The following IGSF21 variants were observed in gnomAD, a reference collection of about 807,000 sequenced individuals.
IGSF21 encodes immunoglobulin superfamily member 21.
Under a neutral mutation model 46.8 loss-of-function variants are expected in IGSF21, and 28 were observed. The ratio of observed to expected loss-of-function variants is 0.60; its 90% CI spans 0.44 to 0.82. IGSF21 has a LOEUF of 0.82. Ranked by LOEUF, IGSF21 falls within the 40% of genes least tolerant of loss-of-function variation. The pLI, the probability that IGSF21 is intolerant of heterozygous loss-of-function variation, is 0.00. For synonymous variants in IGSF21, 284 were observed against 273.6 expected, an observed-to-expected ratio of 1.04 and a Z score of -0.38; for missense variants, 624 against 665.5, an observed-to-expected ratio of 0.94 and a Z score of 0.69.
At chr1:18,168,376 T>A (rs2086700129) in intron 1 of IGSF21, among the ~76,000 whole-genome samples, 1 of 152,150 alleles carries the variant, frequency 6.6e-6, no homozygotes, top group Admixed American at 6.5e-5. Flanking sequence ...ACACACACAT[T>A]GTTGCATAAA....
At chr1:18,321,380 C>T (rs527624140) in intron 3 of IGSF21, among the ~76,000 whole-genome samples, 10 of 152,302 alleles carry the variant, frequency 6.6e-5, no homozygotes, top group African/African-American at 2.4e-4. Context: ...ATTGTGTGAC[C>T]TTGCAGAAGC....
At chr1:18,209,439 G>A (rs959563441) in intron 1 of IGSF21, among the ~76,000 whole-genome samples, 1 of 151,638 alleles carries the variant, frequency 6.6e-6, no homozygotes, top group African/African-American at 2.4e-5. Flanking sequence ...CAGAGGGCCC[G>A]CCTTCTTTTC....
At chr1:18,324,243 A>G (rs1026386372) in intron 3 of IGSF21, among the ~76,000 whole-genome samples, 6 of 152,104 alleles carry the variant, frequency 3.9e-5, no homozygotes, top group Non-Finnish European at 5.9e-5. Context: ...GCTGGGGGAG[A>G]AGTTGGACCC....
At chr1:18,267,511 A>G (rs1367095506) in intron 2 of IGSF21, among the ~76,000 whole-genome samples, 1 of 152,190 alleles carries the variant, frequency 6.6e-6, no homozygotes, top group Non-Finnish European at 1.5e-5. Flanking sequence ...CACAGCAGCC[A>G]CTATGGAAAA....
intron 1 of IGSF21, among the ~76,000 whole-genome samples, chr1:18,210,946 C>T (rs914512325): frequency 6.6e-6 from 1 of 152,136 alleles, no homozygotes; most frequent in African/African-American, 2.4e-5. Flanking sequence ...AGGCTCACTG[C>T]AGCCTCCACC....
intron 1 of IGSF21, among the ~76,000 whole-genome samples, chr1:18,144,969 C>T (rs1350018452): frequency 6.6e-6 from 1 of 152,152 alleles, no homozygotes; most frequent in Non-Finnish European, 1.5e-5. Flanking sequence ...CCTCAAAAAG[C>T]CTTCCTCCCT....
chr1:18,264,240 C>T (rs72932972), intron 2 of IGSF21, among the ~76,000 whole-genome samples: 4,205 of 152,224 alleles, frequency 0.028, 178 homozygotes, highest in African/African-American at 0.094. Flanking sequence ...ACAAGAATCC[C>T]GTTAAGACCG....
At position 18,365,796 on chromosome 1, in the gene IGSF21, G is replaced by A. The variant is rs755129232; in HGVS notation, c.1015+99G>A. The A allele has an allele frequency of 1.1e-5, 11 of 1,044,006 alleles. No individual in the cohort carries two copies. In the East Asian group the frequency reaches 1.8e-4, roughly 17 times the overall value. 64.7% of individuals were successfully genotyped at this position (1,044,006 alleles called of 1,614,324 possible). A position where few individuals can be genotyped will look rare whatever the true frequency, so the allele number is the denominator to read the frequency against. On this transcript the variant is annotated intron_variant, in intron 6 of 9. Coordinates refer to ENST00000251296, the MANE Select transcript of IGSF21 (RefSeq NM_032880.5). This position sits in a 1 kb window ranked among gnomAD's most constrained non-coding sequence, Gnocchi z 4.8. Reference sequence around the variant, plus strand: ...CTGGGCTGAGGACAGCCATGGAAAGGGGGAGGAGATGGAGCAAACTGGAGT... The same window carrying A: ...CTGGGCTGAGGACAGCCATGGAAAGAGGGAGGAGATGGAGCAAACTGGAGT...
chr1:18,132,909 G>A (rs1473410393), intron 1 of IGSF21, among the ~76,000 whole-genome samples: 1 of 137,066 alleles, frequency 7.3e-6, no homozygotes, highest in Non-Finnish European at 1.6e-5. Flanking sequence ...CTGAGCAGGT[G>A]GAGGGAGTGG....
At chr1:18,305,104 G>C (rs1312886086) in intron 3 of IGSF21, among the ~76,000 whole-genome samples, 6 of 152,196 alleles carry the variant, frequency 3.9e-5, no homozygotes, top group Non-Finnish European at 8.8e-5. Flanking sequence ...GGAAAGTAAG[G>C]CTGAGAGAGG....
At chr1:18,352,730 G>C (rs1425233729) in intron 4 of IGSF21, among the ~76,000 whole-genome samples, 2 of 152,200 alleles carry the variant, frequency 1.3e-5, no homozygotes, top group Non-Finnish European at 2.9e-5. Flanking sequence ...CCCCAGAGCA[G>C]CCAGCCAGAG....
At position 18,108,082 on chromosome 1, in the gene IGSF21, C is replaced by T. The variant is rs766348305; in HGVS notation, c.-47C>T. ...CCATGGCGAGGGGACCCGCCGCCACCGCCTCCACCCCCGCCGCCCCGCCAC... is the reference window on the plus strand; with the variant it reads ...CCATGGCGAGGGGACCCGCCGCCACTGCCTCCACCCCCGCCGCCCCGCCAC... On this transcript the variant is annotated 5_prime_UTR_variant, in exon 1 of 10. Transcript: ENST00000251296. 2.3e-5 allele frequency: 22 copies of T among 957,510 alleles called. No individual in the cohort carries two copies. In the South Asian group the frequency reaches 3.5e-4, roughly 15 times the overall value. The allele number at this position is 957,510 out of a possible 1,614,324, so 59.3% of individuals were successfully genotyped here. A position where few individuals can be genotyped will look rare whatever the true frequency, so the allele number is the denominator to read the frequency against.
chr1:18,153,330 CAGA>C (rs1181377636), intron 1 of IGSF21, among the ~76,000 whole-genome samples: 4 of 152,216 alleles, frequency 2.6e-5, no homozygotes. Context: ...TAATGGGCTT[CAGA>C]AGGCCAATGC....
intron 3 of IGSF21, among the ~76,000 whole-genome samples, chr1:18,311,400 G>A (rs2085487013): frequency 6.6e-6 from 1 of 152,192 alleles, no homozygotes; most frequent in Admixed American, 6.5e-5. Context: ...CCCTCCCTCT[G>A]CTTCGTCTCT....
At chr1:18,133,657 T>C (rs1016730767) in intron 1 of IGSF21, among the ~76,000 whole-genome samples, 4 of 152,228 alleles carry the variant, frequency 2.6e-5, no homozygotes, top group African/African-American at 9.6e-5. Context: ...GTCTGCCCCA[T>C]GGCACGGAGC....
At chr1:18,181,316 G>A (rs1239945377) in intron 1 of IGSF21, among the ~76,000 whole-genome samples, 1 of 152,204 alleles carries the variant, frequency 6.6e-6, no homozygotes, top group East Asian at 1.9e-4. Context: ...TCGGCTTCTT[G>A]TCTAATTATG....
chr1:18,147,665 A>G lies in IGSF21; in HGVS notation c.70+39467A>G, dbSNP rs139835312. On this transcript the variant is annotated intron_variant, in intron 1 of 9. Transcript: ENST00000251296. ...CTAGAATATAATTTTTGTTGTGACTATGATGATGAAACATTGTGTACCTCC... is the reference window on the plus strand; with the variant it reads ...CTAGAATATAATTTTTGTTGTGACTGTGATGATGAAACATTGTGTACCTCC... 3.9e-3 allele frequency among the ~76,000 whole-genome samples: 598 copies of G among 152,296 alleles called. 4 individuals are homozygous for G. Among genetic ancestry groups the G allele is most frequent in the African/African-American group, 0.014 (571 of 41,548 alleles).
chr1:18,349,609 A>G (rs1440418307), intron 4 of IGSF21, among the ~76,000 whole-genome samples: 3 of 152,164 alleles, frequency 2.0e-5, no homozygotes, highest in African/African-American at 7.2e-5. Context: ...GCAGGGAGTA[A>G]CATATCATCC....
intron 2 of IGSF21, among the ~76,000 whole-genome samples, chr1:18,255,073 G>A (rs537876676): frequency 5.3e-5 from 8 of 152,190 alleles, no homozygotes; most frequent in Admixed American, 2.6e-4. Context: ...TGACCCCAGC[G>A]AAAGTGACAA....
Sources: gnomAD v4.1 joint callset for allele counts (sites outside exome capture counted in the v4.1 genomes callset) on GRCh38, gnomAD v4.1.1 for gene constraint, Gnocchi (gnomAD v3.1) non-coding constraint, MANE v1.5 for transcripts, NCBI Gene and HGNC (gene_info 2026-07-23, HGNC 2026-07-21) for gene names.